The following EHBP1 variants were observed in gnomAD, a reference collection of about 807,000 sequenced individuals.
EHBP1 encodes EH domain-binding protein 1.
A neutral mutation model predicts 144.0 loss-of-function variants in EHBP1; 55 were observed. That is an observed-to-expected ratio of 0.38 (90% CI 0.31 to 0.48). The LOEUF (loss-of-function observed/expected upper bound fraction) is 0.48, where lower values mean the gene tolerates loss of function less well. Ranked by LOEUF, EHBP1 falls within the 20% of genes least tolerant of loss-of-function variation. EHBP1 has a pLI of 0.98. For missense variants in EHBP1, 1,200 were observed against 1,364.2 expected (o/e 0.88, Z 1.90); for synonymous variants, 469 against 472.7 (o/e 0.99, Z 0.10).
intron 19 of EHBP1, among the ~76,000 whole-genome samples, chr2:63,008,729 GATT>G (rs2060149333): frequency 6.6e-6 from 1 of 150,404 alleles, no homozygotes; most frequent in Non-Finnish European, 1.5e-5. Context: ...TGGATTGCAA[GATT>G]ATTAAAGTAA....
intron 5 of EHBP1, among the ~76,000 whole-genome samples, chr2:62,800,509 T>C (rs965658467): frequency 2.0e-5 from 3 of 152,248 alleles, no homozygotes; most frequent in African/African-American, 7.2e-5. Context: ...CATTGGATTG[T>C]GTTTTATACT....
At chr2:62,831,514 C>T (rs537718673) in intron 7 of EHBP1, among the ~76,000 whole-genome samples, 15 of 152,162 alleles carry the variant, frequency 9.9e-5, no homozygotes, top group African/African-American at 3.6e-4. Flanking sequence ...GATGGATTGG[C>T]CAGCTGCTTC....
Position 62,707,219 on chromosome 2 carries a change from C to T in EHBP1, c.28C>T (p.Arg10Cys). The T allele has an allele frequency of 6.2e-7, 1 of 1,614,144 alleles. No homozygotes were observed. The highest frequency in any genetic ancestry group is 8.5e-7 in the Non-Finnish European group (1 of 1,180,000). The change falls in exon 2 of 23, where the codon CGT becomes TGT. Residue 10 changes from arginine to cysteine, a missense_variant. By Grantham distance (180) the Arg-to-Cys change is radical. Around this residue, in one of 6 missense-constraint regions of EHBP1, gnomAD observed 137 missense variants for 190.1 expected, o/e 0.72. Coordinates refer to ENST00000431489, the MANE Select transcript of EHBP1 (RefSeq NM_001142616.3). ...GGCTTCAGTTTGGAAGAGACTGCAG[C>T]GTGTGGGAAAACATGCATCCAAGTT... MASVWKRLQRVGKHASKFQF... is the reference protein window; with the variant it reads MASVWKRLQCVGKHASKFQF...
intron 19 of EHBP1, among the ~76,000 whole-genome samples, chr2:62,997,725 C>A (rs1355495760): frequency 6.6e-6 from 1 of 151,904 alleles, no homozygotes; most frequent in Admixed American, 6.6e-5. Flanking sequence ...AAGAACTTCT[C>A]CAAAAATAAG....
At chr2:62,735,041 C>T (rs1214143322) in intron 2 of EHBP1, among the ~76,000 whole-genome samples, 1 of 152,142 alleles carries the variant, frequency 6.6e-6, no homozygotes, top group East Asian at 1.9e-4. Context: ...GCTGGAACCA[C>T]AGGCATGCAC....
chr2:62,852,938 C>A (rs2048783868), intron 7 of EHBP1, among the ~76,000 whole-genome samples: 1 of 152,158 alleles, frequency 6.6e-6, no homozygotes, highest in African/African-American at 2.4e-5. Context: ...TTAGCTCCTA[C>A]TGTTCAAATT....
At chr2:62,953,498 G>A (rs2153105411) in intron 13 of EHBP1, among the ~76,000 whole-genome samples, 1 of 151,908 alleles carries the variant, frequency 6.6e-6, no homozygotes, top group East Asian at 1.9e-4. Context: ...GCAGTGAGCT[G>A]TGATCATGCC....
rs183675156 is a variant in EHBP1 at position 62,732,704 on chromosome 2, C to T, written c.105-14691C>T. On this transcript the variant is annotated intron_variant, in intron 2 of 22. Coordinates refer to ENST00000431489, the MANE Select transcript of EHBP1 (RefSeq NM_001142616.3). ...TTCCTGTAAAGCCTGTGGAACCATGCGCCAATTAAACCTCTTTTCTTTATA... is the reference window on the plus strand; with the variant it reads ...TTCCTGTAAAGCCTGTGGAACCATGTGCCAATTAAACCTCTTTTCTTTATA... Among the ~76,000 whole-genome samples, 16 of 152,262 alleles carry T rather than the reference C, an allele frequency of 1.1e-4. No homozygotes were observed. The East Asian group carries it at 1.2e-3, about 11-fold the overall frequency.
chr2:62,974,541 G>A (rs1559007741), intron 14 of EHBP1, among the ~76,000 whole-genome samples: 1 of 152,012 alleles, frequency 6.6e-6, no homozygotes, highest in Non-Finnish European at 1.5e-5. Context: ...AAATTACCAG[G>A]TCAGTTGTCT....
chr2:62,782,213 G>C (rs1041136107), intron 5 of EHBP1, among the ~76,000 whole-genome samples: 15 of 152,170 alleles, frequency 9.9e-5, no homozygotes, highest in Admixed American at 7.2e-4. Context: ...ATTAATTTTG[G>C]TTTGAGGGAT....
chr2:63,017,497 A>C (rs1290670918), intron 19 of EHBP1, among the ~76,000 whole-genome samples: 1 of 152,234 alleles, frequency 6.6e-6, no homozygotes, highest in African/African-American at 2.4e-5. Flanking sequence ...TAAATTAGAT[A>C]CTTTATATCA....
chr2:62,993,745 AG>A (rs1457660799), intron 17 of EHBP1, 77 bp downstream of exon 17: 3 of 738,422 alleles, frequency 4.1e-6, no homozygotes, highest in Middle Eastern at 4.5e-4. Context: ...ATATATATAT[AG>A]TATATATATA....
At position 62,859,120 on chromosome 2, in the gene EHBP1, TACTTAC is replaced by T. The variant is rs753877261; in HGVS notation, c.635-43_635-38del. 6 of 1,534,364 alleles carry T rather than the reference TACTTAC, an allele frequency of 3.9e-6. No individual in the cohort carries two copies. In the South Asian group the frequency reaches 6.2e-5, roughly 16 times the overall value. ...TTTGAAATATTTCACGAATGTTCAA[TACTTAC>T]ACTTAACCATAATAGGGAACTAACC... is the stretch of plus-strand genomic sequence containing the variant. On this transcript the variant is annotated intron_variant, in intron 7 of 22. Coordinates refer to ENST00000431489, the MANE Select transcript of EHBP1 (RefSeq NM_001142616.3).
At position 62,899,098 on chromosome 2, in the gene EHBP1, A is replaced by T. The variant is rs922096961; in HGVS notation, c.1185+24566A>T. ...AGAAAATGGCCCTTAAACTTTCAAA[A>T]ATACCTCAGCTCAGAATAATCAGAA... On this transcript the variant is annotated intron_variant, in intron 10 of 22. Transcript: ENST00000431489. Among the ~76,000 whole-genome samples, 7 of 152,334 alleles carry T rather than the reference A, an allele frequency of 4.6e-5. No individual in the cohort carries two copies. In the East Asian group the frequency reaches 1.4e-3, roughly 29 times the overall value.
intron 10 of EHBP1, among the ~76,000 whole-genome samples, chr2:62,883,878 G>C (rs1359801125): frequency 6.6e-6 from 1 of 152,174 alleles, no homozygotes; most frequent in Non-Finnish European, 1.5e-5. Context: ...GGTTAAGGTG[G>C]GAGGATCACT....
In EHBP1 at chr2:63,045,464, G is replaced by C. The variant is rs748749271; in HGVS notation, c.3447G>C (p.Lys1149Asn). 2.1e-5 allele frequency: 34 copies of C among 1,614,188 alleles called. No individual in the cohort carries two copies. The highest frequency in any genetic ancestry group is 2.6e-5 in the Non-Finnish European group (31 of 1,180,032). ...LERTLEQNKG[K>N]MAKKEEKCVL... Reference sequence around the variant, plus strand: ...GAACTCTGGAGCAAAACAAAGGCAAGATGGCCAAGAAAGAGGAGAAATGTG... The same window carrying C: ...GAACTCTGGAGCAAAACAAAGGCAACATGGCCAAGAAAGAGGAGAAATGTG... Residue 1149 changes from lysine to asparagine, a missense_variant, in exon 23 of 23, where the codon AAG (lysine) becomes AAC (asparagine). Physicochemically the swap from Lys to Asn is moderately conservative, Grantham distance 94. Transcript: ENST00000431489. This position sits in a 1 kb window ranked among gnomAD's most constrained non-coding sequence, Gnocchi z 5.7.
intron 10 of EHBP1, among the ~76,000 whole-genome samples, chr2:62,876,999 A>G (rs148388258): frequency 0.012 from 1,818 of 152,334 alleles, 18 homozygotes; most frequent in Middle Eastern, 0.024. Context: ...ACATATGACA[A>G]TATTAACCTT....
At chr2:62,679,784 A>G (rs907901394) in intron 1 of EHBP1, among the ~76,000 whole-genome samples, 11 of 152,308 alleles carry the variant, frequency 7.2e-5, no homozygotes, top group Admixed American at 5.2e-4. Context: ...TTAAGTAACC[A>G]CTTGACTTCA....
chr2:62,996,805 T>C (rs755714726), intron 19 of EHBP1, 39 bp downstream of exon 19: 5 of 1,599,648 alleles, frequency 3.1e-6, no homozygotes, highest in East Asian at 2.3e-5. Flanking sequence ...TTTTGGCAAA[T>C]TGAGCGTTCA....
Sources: allele counts gnomAD v4.1 joint callset (sites outside exome capture counted in the v4.1 genomes callset), GRCh38; gene constraint gnomAD v4.1.1; regional missense constraint gnomAD v4.1.1; non-coding constraint Gnocchi (gnomAD v3.1); transcripts MANE v1.5; gene names NCBI Gene and HGNC (gene_info 2026-07-23, HGNC 2026-07-21).